PCDH15: variants seen among roughly 807,000 people sequenced by gnomAD.
PCDH15 encodes protocadherin related 15.
PCDH15 carries 129 observed loss-of-function variants against 178.5 expected under a neutral mutation model. The observed-to-expected ratio is 0.72, with a 90% CI of 0.63 to 0.84. The LOEUF (loss-of-function observed/expected upper bound fraction) is 0.84, where lower values mean the gene tolerates loss of function less well. Among genes scored for constraint, PCDH15 ranks in the 40% least tolerant of loss-of-function variants. PCDH15 has a pLI of 0.00. For synonymous variants in PCDH15, 800 were observed against 732.0 expected, an observed-to-expected ratio of 1.09 and a Z score of -1.50; for missense variants, 2,230 against 2,099.9, an observed-to-expected ratio of 1.06 and a Z score of -1.21.
intron 2 of PCDH15, among the ~76,000 whole-genome samples, chr10:55,413,697 AT>A: frequency 6.6e-6 from 1 of 151,848 alleles, no homozygotes; most frequent in African/African-American, 2.4e-5. Flanking sequence ...TATACAAAGC[AT>A]TTTTCAGGTT....
At chr10:53,862,898 A>C (rs967406288) in intron 27 of PCDH15, among the ~76,000 whole-genome samples, 2 of 152,204 alleles carry the variant, frequency 1.3e-5, no homozygotes, top group African/African-American at 4.8e-5. Flanking sequence ...CTAGCTGCCT[A>C]GATAGATATA....
At chr10:54,757,676 G>A (rs1947338333) in intron 1 of PCDH15, among the ~76,000 whole-genome samples, 1 of 152,118 alleles carries the variant, frequency 6.6e-6, no homozygotes, top group South Asian at 2.1e-4. Flanking sequence ...ACAATGACAA[G>A]TAAGAGACCT....
At chr10:55,451,852 C>T (rs1206740024) in intron 2 of PCDH15, among the ~76,000 whole-genome samples, 3 of 152,158 alleles carry the variant, frequency 2.0e-5, no homozygotes, top group Admixed American at 2.0e-4. Context: ...CTGATTGTTT[C>T]TAAACACTTG....
intron 18 of PCDH15, among the ~76,000 whole-genome samples, chr10:54,031,110 G>A (rs2093280736): frequency 6.6e-6 from 1 of 152,010 alleles, no homozygotes; most frequent in South Asian, 2.1e-4. Flanking sequence ...TGACAAGGCC[G>A]ATGTCAAGGG....
intron 3 of PCDH15, among the ~76,000 whole-genome samples, chr10:54,484,886 G>A (rs2078990095): frequency 6.6e-6 from 1 of 151,740 alleles, no homozygotes; most frequent in South Asian, 2.1e-4. Context: ...ATCCCATCAA[G>A]CACTGCACAG....
chr10:54,900,235 C>T (rs976864978), intron 2 of PCDH15, among the ~76,000 whole-genome samples: 2 of 151,976 alleles, frequency 1.3e-5, no homozygotes, highest in Admixed American at 1.3e-4. Context: ...CAGCAATACC[C>T]AGGAAATAAA....
chr10:55,512,130 TA>T (rs573695997), intron 2 of PCDH15, among the ~76,000 whole-genome samples: 46 of 152,198 alleles, frequency 3.0e-4, no homozygotes, highest in African/African-American at 9.9e-4. Flanking sequence ...TAACTTTACC[TA>T]AAACTAGTCC....
At chr10:55,282,861 G>A (rs941517523) in intron 1 of PCDH15, among the ~76,000 whole-genome samples, 7 of 152,140 alleles carry the variant, frequency 4.6e-5, no homozygotes, top group African/African-American at 1.4e-4. Flanking sequence ...AAAGAGACCT[G>A]ACCTAACCAA....
intron 3 of PCDH15, among the ~76,000 whole-genome samples, chr10:54,466,444 A>C (rs977172483): frequency 2.6e-5 from 4 of 151,884 alleles, no homozygotes; most frequent in Admixed American, 6.6e-5. Context: ...TATTTTCCCT[A>C]GTGTAGGTTC....
chr10:55,604,655 T>C (rs1177046535), intron 2 of PCDH15, among the ~76,000 whole-genome samples: 3 of 148,374 alleles, frequency 2.0e-5, no homozygotes, highest in African/African-American at 7.5e-5. Flanking sequence ...ACTGGGTACA[T>C]AACGAAATGA....
chr10:54,343,044 TGGACTTTTGA>T (rs1942547484), intron 6 of PCDH15, among the ~76,000 whole-genome samples: 1 of 152,192 alleles, frequency 6.6e-6, no homozygotes, highest in Non-Finnish European at 1.5e-5. Flanking sequence ...ACTTTGAACT[TGGACTTTTGA>T]GTTAATGCTG....
Position 54,027,814 on chromosome 10 carries a change from G to A in PCDH15, c.2221-4617C>T, listed in dbSNP as rs576979714. On this transcript the variant is annotated intron_variant, in intron 18 of 37. Transcript: ENST00000644397. ...TTCAAGATGGATTAAAGACTTAAAC[G>A]TTAGACCTAAAACCATAAAAACCAT... Among the ~76,000 whole-genome samples, 678 of 138,680 alleles carry A rather than the reference G, an allele frequency of 4.9e-3. 8 individuals are homozygous for A. The highest frequency in any genetic ancestry group is 0.022 in the Middle Eastern group (6 of 270). 91.0% of individuals were successfully genotyped at this position (138,680 alleles called of 152,430 possible). A position where few individuals can be genotyped will look rare whatever the true frequency, so the allele number is the denominator to read the frequency against.
At chr10:55,526,201 T>A (rs560079895) in intron 2 of PCDH15, among the ~76,000 whole-genome samples, 95 of 152,094 alleles carry the variant, frequency 6.2e-4, no homozygotes, top group Non-Finnish European at 1.0e-3. Flanking sequence ...GCTATTAAAC[T>A]TTCTAAGCAT....
chr10:54,622,617 TA>T (rs2093397384), intron 2 of PCDH15, among the ~76,000 whole-genome samples: 1 of 45,284 alleles, frequency 2.2e-5, no homozygotes, highest in African/African-American at 8.7e-5. Flanking sequence ...TAATTATATA[TA>T]ATATATATAA....
chr10:54,397,271 G>C (rs1056355212), intron 3 of PCDH15, among the ~76,000 whole-genome samples: 1 of 151,960 alleles, frequency 6.6e-6, no homozygotes, highest in African/African-American at 2.4e-5. Flanking sequence ...ACATCCCTTT[G>C]AAATATTGTT....
At chr10:54,358,151 T>C (rs9416323) in intron 5 of PCDH15, among the ~76,000 whole-genome samples, 103,959 of 139,682 alleles carry the variant, frequency 0.74, 40,268 homozygotes, top group African/African-American at 0.86. Context: ...CAACAAAAGC[T>C]AAAATTGACA....
intron 3 of PCDH15, among the ~76,000 whole-genome samples, chr10:54,457,811 G>A (rs988455552): frequency 6.6e-6 from 1 of 152,078 alleles, no homozygotes; most frequent in Non-Finnish European, 1.5e-5. Context: ...TAATCCAAAA[G>A]TTCTCAAACA....
At chr10:55,474,738 T>C (rs1303999126) in intron 2 of PCDH15, among the ~76,000 whole-genome samples, 1 of 152,156 alleles carries the variant, frequency 6.6e-6, no homozygotes, top group Non-Finnish European at 1.5e-5. Context: ...TTGCAGCTGT[T>C]AGGCTCAAGT....
intron 1 of PCDH15, among the ~76,000 whole-genome samples, chr10:55,319,077 A>G (rs1057501161): frequency 2.0e-5 from 3 of 151,984 alleles, no homozygotes; most frequent in Non-Finnish European, 4.4e-5. Flanking sequence ...ACACACAAAC[A>G]CACACGATTC....
Sources: allele counts gnomAD v4.1 joint callset (sites outside exome capture counted in the v4.1 genomes callset), GRCh38; gene constraint gnomAD v4.1.1; transcripts MANE v1.5; gene names NCBI Gene and HGNC (gene_info 2026-07-23, HGNC 2026-07-21).